DPF3: variants seen among roughly 807,000 people sequenced by gnomAD.
DPF3 encodes the protein zinc finger protein DPF3.
Under a neutral mutation model 56.8 loss-of-function variants are expected in DPF3, and 18 were observed. The observed-to-expected ratio is 0.32, with a 90% confidence interval of 0.22 to 0.47. The LOEUF is 0.47. Among genes scored for constraint, DPF3 ranks in the 20% least tolerant of loss-of-function variants. DPF3 has a pLI of 1.00. For missense variants in DPF3, 403 were observed against 488.8 expected (o/e 0.82, Z 1.65); for synonymous variants, 188 against 180.2 (o/e 1.04, Z -0.35).
chr14:72,612,740 C>A lies in DPF3; in HGVS notation c.*6557G>T. On this transcript the variant is annotated 3_prime_UTR_variant, in exon 11 of 11. Transcript: ENST00000556509. Reference sequence around the variant, plus strand: ...AGCAGAATTGAGACTTTTGAAGTACCCAACTATTGCCAAATATCTTTCATG... The same window carrying A: ...AGCAGAATTGAGACTTTTGAAGTACACAACTATTGCCAAATATCTTTCATG... 2.6e-6 allele frequency: 1 copy of A among 391,716 alleles called. No individual in the cohort carries two copies. Among genetic ancestry groups the A allele is most frequent in the Non-Finnish European group, 5.1e-6 (1 of 196,706 alleles). 24.3% of individuals were successfully genotyped at this position (391,716 alleles called of 1,614,324 possible).
intron 8 of DPF3, among the ~76,000 whole-genome samples, chr14:72,656,921 C>T (rs570096677): frequency 1.8e-4 from 27 of 152,298 alleles, no homozygotes; most frequent in Non-Finnish European, 3.4e-4. Flanking sequence ...ACTAGCTCAT[C>T]GACCACCCTT....
intron 1 of DPF3, among the ~76,000 whole-genome samples, chr14:72,889,103 T>C (rs1397965681): frequency 6.6e-6 from 1 of 152,214 alleles, no homozygotes; most frequent in Non-Finnish European, 1.5e-5. Flanking sequence ...ACCTGCATGA[T>C]TCCAAAAAGA....
At position 72,616,014 on chromosome 14, in the gene DPF3, C is replaced by T. The variant is rs1221495085; in HGVS notation, c.*3283G>A. On this transcript the variant is annotated 3_prime_UTR_variant, in exon 11 of 11. Coordinates refer to ENST00000556509, the MANE Select transcript of DPF3 (RefSeq NM_001280542.3). ...CATTTGAGCCGGAAGACAACCACAT[C>T]ATTATCTCCATTTGGTGGCCTCTGC... Among the ~76,000 whole-genome samples, 1 of 152,222 alleles carries T rather than the reference C, an allele frequency of 6.6e-6. No homozygotes were observed. The highest frequency in any genetic ancestry group is 1.5e-5 in the Non-Finnish European group (1 of 68,040).
chr14:72,668,815 C>T (rs1351687748), intron 8 of DPF3, among the ~76,000 whole-genome samples: 1 of 152,144 alleles, frequency 6.6e-6, no homozygotes, highest in East Asian at 1.9e-4. Context: ...CACATTTTAT[C>T]AATGAAAGCA....
intron 1 of DPF3, among the ~76,000 whole-genome samples, chr14:72,805,538 C>T (rs986709595): frequency 5.9e-5 from 9 of 151,466 alleles, no homozygotes; most frequent in Non-Finnish European, 1.0e-4. Flanking sequence ...GCATGCCATG[C>T]ACGCACAGGG....
At chr14:72,848,116 T>C (rs932877671) in intron 1 of DPF3, among the ~76,000 whole-genome samples, 4 of 152,230 alleles carry the variant, frequency 2.6e-5, no homozygotes, top group Non-Finnish European at 4.4e-5. Context: ...AACGACTTAT[T>C]TGACAAATAA....
chr14:72,882,979 T>C (rs1599523428), intron 1 of DPF3, among the ~76,000 whole-genome samples: 1 of 152,134 alleles, frequency 6.6e-6, no homozygotes, highest in Admixed American at 6.5e-5. Context: ...GGGAGTCAGG[T>C]GGCTGTGCTG....
At chr14:72,688,654 A>G (rs1228309490) in intron 7 of DPF3, among the ~76,000 whole-genome samples, 1 of 152,156 alleles carries the variant, frequency 6.6e-6, no homozygotes, top group African/African-American at 2.4e-5. Context: ...TCAGAGTCCT[A>G]TCCTCCCCAG....
rs1412595190 is a variant in DPF3, at chr14:72,617,745, C to T, written c.*1552G>A. On this transcript the variant is annotated 3_prime_UTR_variant, in exon 11 of 11. Coordinates refer to ENST00000556509, the MANE Select transcript of DPF3 (RefSeq NM_001280542.3). ...CCGAGGGACAGCACAAATACTGCGG[C>T]CGGGCAGAGGTGGCCCAACTAGCCC... Among the ~76,000 whole-genome samples the T allele has an allele frequency of 3.3e-5, 5 of 152,172 alleles. No homozygotes were observed. Among genetic ancestry groups the T allele is most frequent in the Non-Finnish European group, 7.3e-5 (5 of 68,028 alleles).
intron 2 of DPF3, among the ~76,000 whole-genome samples, chr14:72,763,239 A>G (rs913626684): frequency 6.6e-6 from 1 of 152,094 alleles, no homozygotes; most frequent in Non-Finnish European, 1.5e-5. Context: ...TTTTGTAGAA[A>G]TTGACAGACT....
chr14:72,869,010 C>T (rs532734919), intron 1 of DPF3, among the ~76,000 whole-genome samples: 18 of 152,296 alleles, frequency 1.2e-4, no homozygotes, highest in African/African-American at 4.1e-4. Flanking sequence ...TCAAACTTCT[C>T]CATCAAGGCC....
chr14:72,791,156 C>T (rs868189106), intron 1 of DPF3, among the ~76,000 whole-genome samples: 1 of 152,198 alleles, frequency 6.6e-6, no homozygotes, highest in South Asian at 2.1e-4. Context: ...TAGGCTGCTG[C>T]ACTAGCCCCC....
intron 7 of DPF3, among the ~76,000 whole-genome samples, chr14:72,676,417 A>T (rs918346585): frequency 1.3e-5 from 2 of 152,158 alleles, no homozygotes. Context: ...AAAGAATCTG[A>T]TTTTCTCCAA....
chr14:72,850,205 C>G (rs942300287), intron 1 of DPF3, among the ~76,000 whole-genome samples: 1 of 152,056 alleles, frequency 6.6e-6, no homozygotes, highest in African/African-American at 2.4e-5. Flanking sequence ...GGAGCCGTGA[C>G]AACACTGGGC....
At chr14:72,837,517 C>T (rs1327075493) in intron 1 of DPF3, among the ~76,000 whole-genome samples, 1 of 151,930 alleles carries the variant, frequency 6.6e-6, no homozygotes, top group African/African-American at 2.4e-5. Flanking sequence ...GCGGGTGGAT[C>T]ATCAGAGGTC....
At chr14:72,876,350 A>C (rs1886113880) in intron 1 of DPF3, among the ~76,000 whole-genome samples, 3 of 152,142 alleles carry the variant, frequency 2.0e-5, no homozygotes, top group Admixed American at 6.5e-5. Context: ...AGTGAGAGGG[A>C]AGACTGGAGA....
At chr14:72,856,245 T>A (rs990309127) in intron 1 of DPF3, among the ~76,000 whole-genome samples, 1 of 152,202 alleles carries the variant, frequency 6.6e-6, no homozygotes, top group African/African-American at 2.4e-5. Context: ...TCTGAGGGTA[T>A]CACAGGATGC....
Position 72,881,536 on chromosome 14 carries a change from G to T in DPF3, c.32+12521C>A, listed in dbSNP as rs61988480. ...GTCCCTTCCCTTGAAAGGTCTTGGGGGTAGGAGGAAAAGGGGCAAATAAAT... is the reference window on the plus strand; with the variant it reads ...GTCCCTTCCCTTGAAAGGTCTTGGGTGTAGGAGGAAAAGGGGCAAATAAAT... On this transcript the variant is annotated intron_variant, in intron 1 of 10. Coordinates refer to ENST00000556509, the MANE Select transcript of DPF3 (RefSeq NM_001280542.3). Among the ~76,000 whole-genome samples the T allele has an allele frequency of 6.2e-3, 947 of 152,276 alleles. 4 individuals carry two copies. Among genetic ancestry groups the T allele is most frequent in the Non-Finnish European group, 8.9e-3 (604 of 68,030 alleles).
chr14:72,616,253 C>T lies in DPF3; in HGVS notation c.*3044G>A, dbSNP rs1434384663. On this transcript the variant is annotated 3_prime_UTR_variant, in exon 11 of 11. Coordinates refer to ENST00000556509, the MANE Select transcript of DPF3 (RefSeq NM_001280542.3). ...GTGGCAGTGTTGGTCGGAAAGTGAG[C>T]GTTACCCATGAACTGAAACAAATCA... Among the ~76,000 whole-genome samples, 1 of 152,156 alleles carries T rather than the reference C, an allele frequency of 6.6e-6. No individual in the cohort carries two copies. Among genetic ancestry groups the T allele is most frequent in the African/African-American group, 2.4e-5 (1 of 41,424 alleles).
Sources: allele counts gnomAD v4.1 joint callset (sites outside exome capture counted in the v4.1 genomes callset), GRCh38; gene constraint gnomAD v4.1.1; transcripts MANE v1.5; gene names NCBI Gene and HGNC (gene_info 2026-07-23, HGNC 2026-07-21).